The following ATG7 variants were observed in gnomAD, a reference collection of about 807,000 sequenced individuals.
ATG7 encodes the protein ubiquitin-like modifier-activating enzyme ATG7.
A neutral mutation model predicts 82.4 loss-of-function variants in ATG7; 70 were observed. That is an observed-to-expected ratio of 0.85 (90% CI 0.70 to 1.04). The LOEUF (loss-of-function observed/expected upper bound fraction) is 1.04. ATG7 is among the 50% of genes least tolerant of loss of function. The pLI, the probability that ATG7 is intolerant of heterozygous loss-of-function variation, is 0.00. For synonymous variants in ATG7, 287 were observed against 313.0 expected, an observed-to-expected ratio of 0.92 and a Z score of 0.88; for missense variants, 792 against 864.3, an observed-to-expected ratio of 0.92 and a Z score of 1.05.
Position 11,426,907 on chromosome 3 carries a change from A to G in ATG7, c.2060A>G (p.Gln687Arg). 1 of 1,604,950 alleles carries G rather than the reference A, an allele frequency of 6.2e-7. No individual in the cohort carries two copies. Among genetic ancestry groups the G allele is most frequent in the Non-Finnish European group, 8.5e-7 (1 of 1,176,816 alleles). ...EDLTGLTLLH[Q>R]ETQAAEIWDM... ...TTGACTGGTCTTACATTGCTGCATC[A>G]AGAAACCCAAGCTGCTGAGGTAAGA... is the stretch of plus-strand genomic sequence containing the variant. The change falls in exon 20 of 21, where the codon CAA (glutamine) becomes CGA (arginine). Residue 687 changes from glutamine (Q) to arginine (R), a missense_variant. By Grantham distance (43) the Gln-to-Arg change is conservative (BLOSUM62 1). Coordinates refer to ENST00000693202, the MANE Select transcript of ATG7 (RefSeq NM_001349232.2).
chr3:11,447,423 C>T (rs1372709282), intron 20 of ATG7, among the ~76,000 whole-genome samples: 3 of 151,022 alleles, frequency 2.0e-5, no homozygotes, highest in Admixed American at 6.6e-5. Flanking sequence ...GCCGAGATCA[C>T]ACCATTGCAC....
chr3:11,343,979 T>C (rs184971344), intron 13 of ATG7, among the ~76,000 whole-genome samples: 287 of 152,308 alleles, frequency 1.9e-3, no homozygotes, highest in African/African-American at 6.7e-3. Context: ...CATCTTTGTT[T>C]TTCAGTAGCA....
At chr3:11,355,381 G>C (rs908355579) in intron 14 of ATG7, among the ~76,000 whole-genome samples, 14 of 152,124 alleles carry the variant, frequency 9.2e-5, no homozygotes, top group Admixed American at 7.9e-4. Flanking sequence ...TGGTAACTTA[G>C]TTGACTTTAT....
chr3:11,274,488 G>A (rs1171370873), intron 1 of ATG7, among the ~76,000 whole-genome samples: 3 of 152,132 alleles, frequency 2.0e-5, no homozygotes, highest in Non-Finnish European at 4.4e-5. Flanking sequence ...AGAGTGGTTC[G>A]AAGTGAGATG....
chr3:11,405,182 A>C (rs1212942010), intron 19 of ATG7, among the ~76,000 whole-genome samples: 11 of 152,162 alleles, frequency 7.2e-5, no homozygotes, highest in Admixed American at 4.6e-4. Context: ...ATCAGGTCAA[A>C]TGAGGACATT....
intron 5 of ATG7, 86 bp from the exon 6 acceptor site, chr3:11,306,857 T>C: frequency 1.0e-6 from 1 of 984,004 alleles, no homozygotes; most frequent in South Asian, 1.4e-5. Context: ...CAATACCCTT[T>C]TTATCCCACT....
At chr3:11,304,340 G>A (rs2152702125) in intron 5 of ATG7, among the ~76,000 whole-genome samples, 1 of 152,316 alleles carries the variant, frequency 6.6e-6, no homozygotes, top group South Asian at 2.1e-4. Flanking sequence ...TAAGCGCATG[G>A]CTGTCAAAAT....
At chr3:11,512,228 A>C (rs2092098806) in intron 20 of ATG7, among the ~76,000 whole-genome samples, 1 of 151,930 alleles carries the variant, frequency 6.6e-6, no homozygotes, top group African/African-American at 2.4e-5. Flanking sequence ...GAGGTCCCCC[A>C]CACCCCTCTC....
intron 20 of ATG7, among the ~76,000 whole-genome samples, chr3:11,519,661 G>A (rs568017275): frequency 8.0e-5 from 11 of 138,108 alleles, no homozygotes; most frequent in South Asian, 4.9e-4. Flanking sequence ...CCAGATTCAC[G>A]CCATTCTCCT....
At chr3:11,408,368 C>A (rs1559557414) in intron 19 of ATG7, among the ~76,000 whole-genome samples, 2 of 152,302 alleles carry the variant, frequency 1.3e-5, no homozygotes, top group East Asian at 3.9e-4. Context: ...CTAGGAAGTT[C>A]CAAACTTTCC....
chr3:11,304,216 C>T (rs1428772797), intron 5 of ATG7, among the ~76,000 whole-genome samples: 4 of 152,336 alleles, frequency 2.6e-5, no homozygotes, highest in South Asian at 2.1e-4. Context: ...TAGGCACACT[C>T]GTGTGTGGGG....
chr3:11,312,244 A>T (rs1008223083), intron 7 of ATG7, among the ~76,000 whole-genome samples: 6 of 152,240 alleles, frequency 3.9e-5, no homozygotes, highest in Non-Finnish European at 8.8e-5. Flanking sequence ...TTCAAGAAGA[A>T]ATATTAATTA....
At chr3:11,447,311 G>GA (rs1014068913) in intron 20 of ATG7, among the ~76,000 whole-genome samples, 1 of 151,704 alleles carries the variant, frequency 6.6e-6, no homozygotes, top group African/African-American at 2.4e-5. Flanking sequence ...TAAAAATATA[G>GA]AAAAAATTAG....
At chr3:11,320,682 T>C (rs1950100995) in intron 9 of ATG7, among the ~76,000 whole-genome samples, 1 of 152,264 alleles carries the variant, frequency 6.6e-6, no homozygotes, top group Admixed American at 6.5e-5. Flanking sequence ...ATCTTTGATT[T>C]CCCACCATTG....
chr3:11,530,851 C>T (rs2092681195), intron 20 of ATG7, among the ~76,000 whole-genome samples: 1 of 152,116 alleles, frequency 6.6e-6, no homozygotes, highest in Non-Finnish European at 1.5e-5. Context: ...CGTGATGGTG[C>T]ACACCTGTAA....
At chr3:11,550,972 C>T (rs984152052) in intron 20 of ATG7, among the ~76,000 whole-genome samples, 1 of 152,042 alleles carries the variant, frequency 6.6e-6, no homozygotes, top group Non-Finnish European at 1.5e-5. Flanking sequence ...GGAGTTGATT[C>T]TAACATGCGG....
At chr3:11,453,936 A>G (rs1348981402) in intron 20 of ATG7, among the ~76,000 whole-genome samples, 1 of 152,158 alleles carries the variant, frequency 6.6e-6, no homozygotes, top group Non-Finnish European at 1.5e-5. Flanking sequence ...TTTCCTCACA[A>G]GGGTTTTATG....
At chr3:11,365,870 T>C (rs1045159702) in intron 18 of ATG7, among the ~76,000 whole-genome samples, 3 of 152,142 alleles carry the variant, frequency 2.0e-5, no homozygotes, top group Non-Finnish European at 4.4e-5. Flanking sequence ...GGCCTGCATG[T>C]TGGGAGATTT....
downstream of ATG7, among the ~76,000 whole-genome samples, chr3:11,562,090 G>T (rs1043298029): frequency 6.6e-6 from 1 of 151,842 alleles, no homozygotes. Context: ...TAAAAACAGG[G>T]TTTCACCATG....
Sources: allele counts gnomAD v4.1 joint callset (sites outside exome capture counted in the v4.1 genomes callset), GRCh38; gene constraint gnomAD v4.1.1; transcripts MANE v1.5; gene names NCBI Gene and HGNC (gene_info 2026-07-23, HGNC 2026-07-21).